SLC36A2: variants seen among roughly 807,000 people sequenced by gnomAD.
SLC36A2 encodes proton-coupled amino acid transporter 2.
In SLC36A2, 39 loss-of-function variants were observed where a neutral mutation model predicts 42.7. The observed-to-expected ratio is 0.91, with a 90% CI of 0.71 to 1.19. The LOEUF is 1.19. Ranked by LOEUF, SLC36A2 falls within the 50% of genes most tolerant of loss-of-function variation. SLC36A2 has a pLI of 0.00. For synonymous variants in SLC36A2, 237 were observed against 240.8 expected (o/e 0.98, Z 0.15); for missense variants, 590 against 613.7 (o/e 0.96, Z 0.41).
rs750985367 is a variant in SLC36A2 at position 151,325,361 on chromosome 5, C to T, written c.935G>A (p.Gly312Asp). ...CCGCAGGTAGCCCAGAGCCGCCATG[C>T]CAATGTATAGGGAAGTGACGATGGA... ...GMSIVTSLYI[G>D]MAALGYLRFG... The change falls in exon 8 of 10, where the codon GGC becomes GAC. Residue 312 changes from glycine (G) to aspartate (D), a missense_variant. By Grantham distance (94) the Gly-to-Asp change is moderately conservative. Transcript: ENST00000335244. 4.5e-5 allele frequency: 72 copies of T among 1,613,990 alleles called. No individual in the cohort carries two copies. Among genetic ancestry groups the T allele is most frequent in the Non-Finnish European group, 5.8e-5 (68 of 1,179,998 alleles).
At position 151,347,397 on chromosome 5, in the gene SLC36A2, A is replaced by G; in HGVS notation, c.64T>C (p.Ser22Pro). ...AACTTCTTGGCACTTTCAGGAGGCG[A>G]CATAAGGTCCAATTTGATGGCAACG... is the stretch of plus-strand genomic sequence containing the variant. ...GAVAIKLDLM[S>P]PPESAKKLEN... Residue 22 changes from serine to proline, a missense_variant, in exon 1 of 10, where the codon TCG (serine) becomes CCG (proline). By Grantham distance (74) the Ser-to-Pro change is moderately conservative (BLOSUM62 -1). Transcript: ENST00000335244. The G allele has an allele frequency of 6.2e-7, 1 of 1,614,232 alleles. No individual in the cohort carries two copies. Among genetic ancestry groups the G allele is most frequent in the African/African-American group, 1.3e-5 (1 of 75,062 alleles).
At chr5:151,319,224 A>G in intron 9 of SLC36A2, 1 of 633,634 alleles carries the variant, frequency 1.6e-6, no homozygotes. Context: ...TTGACAATGC[A>G]TGAAGAAGTG....
At chr5:151,329,506 A>C (rs1340512910) in intron 7 of SLC36A2, among the ~76,000 whole-genome samples, 1 of 152,244 alleles carries the variant, frequency 6.6e-6, no homozygotes, top group African/African-American at 2.4e-5. Context: ...AATATTAGGC[A>C]AAGACTTTAA....
chr5:151,343,867 G>C (rs1756417923), intron 2 of SLC36A2, among the ~76,000 whole-genome samples: 1 of 152,130 alleles, frequency 6.6e-6, no homozygotes, highest in Admixed American at 6.5e-5. Context: ...GCCCTTTGTG[G>C]CCCCTGAAAC....
Position 151,335,342 on chromosome 5 carries a change from T to A in SLC36A2, c.731A>T (p.Gln244Leu), listed in dbSNP as rs1221238336. ...GTGTGCACTCACCTGGGTAATGTAC[T>A]GTATGATGATGACCAAGCTGACCAG... is the stretch of plus-strand genomic sequence containing the variant. ...SMLVSLVIII[Q>L]YITQEIPDPS... Residue 244 changes from glutamine (Q) to leucine (L), a missense_variant, in exon 6 of 10, where the codon CAG (glutamine) becomes CTG (leucine). By Grantham distance (113) the Gln-to-Leu change is moderately radical. Transcript: ENST00000335244. The A allele has an allele frequency of 6.2e-7, 1 of 1,612,870 alleles. No individual in the cohort carries two copies. The highest frequency in any genetic ancestry group is 1.1e-5 in the South Asian group (1 of 90,938).
At chr5:151,337,561 AG>A (rs1247989352) in intron 5 of SLC36A2, among the ~76,000 whole-genome samples, 1 of 152,234 alleles carries the variant, frequency 6.6e-6, no homozygotes, top group East Asian at 1.9e-4. Flanking sequence ...GCAGATGATA[AG>A]TATAGGTCTG....
At chr5:151,327,100 A>G (rs1024378199) in intron 7 of SLC36A2, among the ~76,000 whole-genome samples, 12 of 152,164 alleles carry the variant, frequency 7.9e-5, no homozygotes, top group Admixed American at 2.6e-4. Context: ...CAGGCGAGAG[A>G]CATCACATGT....
Position 151,333,280 on chromosome 5 carries a change from T to C in SLC36A2, c.787A>G (p.Lys263Glu). 6.2e-7 allele frequency: 1 copy of C among 1,614,146 alleles called. No homozygotes were observed. Among genetic ancestry groups the C allele is most frequent in the Non-Finnish European group, 8.5e-7 (1 of 1,179,988 alleles). Residue 263 changes from lysine (K) to glutamate (E), a missense_variant, in exon 7 of 10, where the codon AAG becomes GAG. Transcript: ENST00000335244. ...PSRLPLVASWKTYPLFFGTAI... is the reference protein window; with the variant it reads ...PSRLPLVASWETYPLFFGTAI... The stretch of plus-strand genomic sequence containing the variant: ...GTTCCGAAGAAGAGAGGGTAGGTCT[T>C]CCAGCTTGCTACCAGTGGCAACCGG...
Position 151,347,368 on chromosome 5 carries a change from C to T in SLC36A2, c.93G>A (p.Glu31=). The part of the protein sequence containing the change: ...MSPPESAKKL[E]NKDSTFLDES... Reference sequence around the variant, plus strand: ...CATCCAAGAATGTAGAGTCCTTGTTCTCCAACTTCTTGGCACTTTCAGGAG... The same window carrying T: ...CATCCAAGAATGTAGAGTCCTTGTTTTCCAACTTCTTGGCACTTTCAGGAG... The change falls in exon 1 of 10, where the codon GAG becomes GAA. Residue 31 remains glutamate (E), a synonymous_variant. Transcript: ENST00000335244. The T allele has an allele frequency of 1.9e-6, 3 of 1,614,236 alleles. No homozygotes were observed. The highest frequency in any genetic ancestry group is 2.2e-5 in the East Asian group (1 of 44,882).
Position 151,347,312 on chromosome 5 carries a change from T to G in SLC36A2, c.149A>C (p.Lys50Thr), listed in dbSNP as rs772389866. The change falls in exon 1 of 10, where the codon AAG (lysine) becomes ACG (threonine). Residue 50 changes from lysine to threonine, a missense_variant. Lys to Thr is a moderately conservative substitution (Grantham distance 78). Transcript: ENST00000335244. ...ESPSESAGLK[K>T]TKGITVFQAL... ...CAGCACTCACGTTATGCCCTTGGTC[T>G]TCTTCAAGCCTGCTGACTCTGAAGG... is the stretch of plus-strand genomic sequence containing the variant. 1.2e-6 allele frequency: 2 copies of G among 1,602,610 alleles called. No individual in the cohort carries two copies. The highest frequency in any genetic ancestry group is 1.7e-5 in the Admixed American group (1 of 59,958).
intron 9 of SLC36A2, among the ~76,000 whole-genome samples, chr5:151,318,794 C>T (rs1755597494): frequency 1.3e-5 from 2 of 151,922 alleles, no homozygotes; most frequent in Non-Finnish European, 2.9e-5. Context: ...AGGTTTTATA[C>T]ACATGTCAGA....
At chr5:151,330,637 G>T (rs1172757721) in intron 7 of SLC36A2, among the ~76,000 whole-genome samples, 2 of 152,222 alleles carry the variant, frequency 1.3e-5, no homozygotes, top group South Asian at 2.1e-4. Flanking sequence ...AAATATCTGA[G>T]TAGATATAAT....
rs140682366 is a variant in SLC36A2 at position 151,316,858 on chromosome 5, C to T, written c.1411G>A (p.Asp471Asn). The T allele has an allele frequency of 6.7e-4, 1,076 of 1,613,586 alleles. 8 individuals are homozygous for T. In the Middle Eastern group the frequency reaches 0.019, roughly 28 times the overall value. The part of the protein sequence containing the change: ...QALDELLKSE[D>N]SHPFSNSTTF... The stretch of plus-strand genomic sequence containing the variant: ...GTGGAGTTGGAAAAGGGGTGAGAGT[C>T]TTCTGACTTGAGCAGCTCGTCCAGG... Residue 471 changes from aspartate to asparagine, a missense_variant, in exon 10 of 10, where the codon GAC (aspartate) becomes AAC (asparagine). By Grantham distance (23) the Asp-to-Asn change is conservative. Transcript: ENST00000335244.
chr5:151,342,108 T>C (rs1203536736), intron 4 of SLC36A2, among the ~76,000 whole-genome samples: 1 of 152,200 alleles, frequency 6.6e-6, no homozygotes, highest in Non-Finnish European at 1.5e-5. Flanking sequence ...ATGACTTTCC[T>C]GATTAAAACC....
At chr5:151,345,005 G>A (rs1053943946) in intron 1 of SLC36A2, among the ~76,000 whole-genome samples, 2 of 152,150 alleles carry the variant, frequency 1.3e-5, no homozygotes, top group African/African-American at 4.8e-5. Context: ...AGGCTGGAGA[G>A]TGCACACCTC....
intron 7 of SLC36A2, among the ~76,000 whole-genome samples, chr5:151,329,710 A>C (rs1755945079): frequency 6.6e-6 from 1 of 152,250 alleles, no homozygotes; most frequent in Non-Finnish European, 1.5e-5. Flanking sequence ...AAACAAACTC[A>C]GTAAATTTGA....
In SLC36A2 at chr5:151,329,659, AACTG is replaced by A. The variant is rs1453178119; in HGVS notation, c.843+3561_843+3564del. 1.0e-4 allele frequency among the ~76,000 whole-genome samples: 13 copies of A among 129,606 alleles called. No individual in the cohort carries two copies. The East Asian group carries it at 1.5e-3, about 15-fold the overall frequency. 85.0% of individuals were successfully genotyped at this position (129,606 alleles called of 152,430 possible). ...ACTGGAAAATAAGAAAAATTTAAATAACTGACTGTAGGGGCTTGATAGCGGAATG... is the reference window on the plus strand; with the variant it reads ...ACTGGAAAATAAGAAAAATTTAAATAACTGTAGGGGCTTGATAGCGGAATG... On this transcript the variant is annotated intron_variant, in intron 7 of 9. Coordinates refer to ENST00000335244, the MANE Select transcript of SLC36A2 (RefSeq NM_181776.3).
chr5:151,337,863 G>T (rs1282539879), intron 5 of SLC36A2, among the ~76,000 whole-genome samples: 1 of 152,104 alleles, frequency 6.6e-6, no homozygotes. Flanking sequence ...ACCAGTTAAG[G>T]TTACATTAAA....
intron 7 of SLC36A2, among the ~76,000 whole-genome samples, chr5:151,326,561 A>G (rs927351392): frequency 1.3e-5 from 2 of 152,176 alleles, no homozygotes; most frequent in South Asian, 2.1e-4. Context: ...CCCTAAATGC[A>G]TACCTGGTTC....
Sources: gnomAD v4.1 joint callset for allele counts (sites outside exome capture counted in the v4.1 genomes callset) on GRCh38, gnomAD v4.1.1 for gene constraint, MANE v1.5 for transcripts, NCBI Gene and HGNC (gene_info 2026-07-23, HGNC 2026-07-21) for gene names.